The following ADGRD1 variants were observed in gnomAD, a reference collection of about 807,000 sequenced individuals.
The protein encoded by ADGRD1 is adhesion G protein-coupled receptor D1.
ADGRD1 carries 77 observed loss-of-function variants against 113.4 expected under a neutral mutation model. The observed-to-expected ratio is 0.68, with a 90% confidence interval of 0.57 to 0.82. ADGRD1 has a LOEUF of 0.82. Among genes scored for constraint, ADGRD1 ranks in the 40% least tolerant of loss-of-function variants. The probability of loss-of-function intolerance (pLI) is 0.00; values close to 1 mark genes in which losing one functional copy is unlikely to be tolerated. For synonymous variants in ADGRD1, 474 were observed against 475.0 expected (o/e 1.00, Z 0.03); for missense variants, 1,036 against 1,139.1 (o/e 0.91, Z 1.30).
chr12:131,082,211 G>A (rs1057422501), intron 14 of ADGRD1, among the ~76,000 whole-genome samples: 3 of 151,990 alleles, frequency 2.0e-5, no homozygotes, highest in East Asian at 1.9e-4. Context: ...GTTTTTTACC[G>A]TATTTATGCA....
intron 13 of ADGRD1, among the ~76,000 whole-genome samples, chr12:131,055,536 G>A (rs778024484): frequency 2.0e-5 from 3 of 152,122 alleles, no homozygotes; most frequent in Non-Finnish European, 4.4e-5. Flanking sequence ...TGAGAGTCAC[G>A]ATTTACCTTG....
chr12:131,079,224 G>A (rs1050687217), intron 14 of ADGRD1, among the ~76,000 whole-genome samples: 5 of 152,136 alleles, frequency 3.3e-5, no homozygotes, highest in Non-Finnish European at 5.9e-5. Context: ...GGGGTATTCC[G>A]TTACATGGAT....
intron 13 of ADGRD1, among the ~76,000 whole-genome samples, chr12:131,072,311 A>G (rs1885248841): frequency 6.6e-6 from 1 of 152,176 alleles, no homozygotes; most frequent in Non-Finnish European, 1.5e-5. Flanking sequence ...CCAGCATCCC[A>G]CCTTGACGAT....
At chr12:131,126,636 T>G (rs905283979) in intron 20 of ADGRD1, among the ~76,000 whole-genome samples, 4 of 152,126 alleles carry the variant, frequency 2.6e-5, no homozygotes. Context: ...CCTGCCTCCC[T>G]CCTCCCACCA....
chr12:131,138,288 T>C (rs2277337), intron 24 of ADGRD1, 59 bp downstream of exon 24: 725,607 of 1,452,156 alleles, frequency 0.5, 187,709 homozygotes, highest in Non-Finnish European at 0.54. Context: ...CAGGCTCGGT[T>C]GTCAGCAGGA....
At chr12:130,958,649 C>T (rs1237620620) in intron 2 of ADGRD1, among the ~76,000 whole-genome samples, 1 of 152,218 alleles carries the variant, frequency 6.6e-6, no homozygotes, top group East Asian at 1.9e-4. Context: ...CTCGCCTGCC[C>T]CCGGGCAGCT....
chr12:131,014,634 T>C (rs1400747848), intron 13 of ADGRD1, among the ~76,000 whole-genome samples: 1 of 152,174 alleles, frequency 6.6e-6, no homozygotes, highest in Non-Finnish European at 1.5e-5. Context: ...TTATAACAAG[T>C]GTCCTTACTG....
At chr12:131,043,536 CAGGCTGCGTGTGGGCAGG>C (rs1374165451) in intron 13 of ADGRD1, among the ~76,000 whole-genome samples, 1 of 152,276 alleles carries the variant, frequency 6.6e-6, no homozygotes, top group Non-Finnish European at 1.5e-5. Context: ...CTCTCCCCTG[CAGGCTGCGTGTGGGCAGG>C]AGGCTGGCTC....
chr12:130,981,616 T>C (rs150215806), intron 4 of ADGRD1, among the ~76,000 whole-genome samples: 1 of 152,298 alleles, frequency 6.6e-6, no homozygotes, highest in Admixed American at 6.5e-5. Flanking sequence ...TTCCTTCATC[T>C]GTATAGTGGG....
In ADGRD1 at chr12:130,976,899, A is replaced by T. The variant is rs937744687; in HGVS notation, c.311-4985A>T. 7.3e-5 allele frequency: 11 copies of T among 151,688 alleles called. 1 individual carries two copies. The allele number at this position is 151,688 out of a possible 1,614,324, so 9.4% of individuals were successfully genotyped here. On this transcript the variant is annotated intron_variant, in intron 4 of 24. Transcript: ENST00000261654. ...AATTTAGCAGGGCGAGGTGGTGTGTACCTGTCATCCTAGCTACTCAGGAGG... is the reference window on the plus strand; with the variant it reads ...AATTTAGCAGGGCGAGGTGGTGTGTTCCTGTCATCCTAGCTACTCAGGAGG...
chr12:131,031,164 G>C (rs1460982663), intron 13 of ADGRD1, among the ~76,000 whole-genome samples: 1 of 152,164 alleles, frequency 6.6e-6, no homozygotes, highest in African/African-American at 2.4e-5. Flanking sequence ...CTGCTGCCTT[G>C]GGGGGTCCTG....
chr12:131,094,625 T>C (rs1367833816), intron 15 of ADGRD1, among the ~76,000 whole-genome samples: 1 of 152,168 alleles, frequency 6.6e-6, no homozygotes, highest in Non-Finnish European at 1.5e-5. Flanking sequence ...ACCAGTGTCT[T>C]CTGGCTGAGT....
Position 130,978,101 on chromosome 12 carries a change from AT to A in ADGRD1, c.311-3780del, listed in dbSNP as rs1238262914. On this transcript the variant is annotated intron_variant, in intron 4 of 24. Coordinates refer to ENST00000261654, the MANE Select transcript of ADGRD1 (RefSeq NM_198827.5). The stretch of plus-strand genomic sequence containing the variant: ...CCCTAGTTCACAGGTTGTTGGGAGG[AT>A]TTAACCTCAGCCCATATAAGTTCTC... 8 of 152,082 alleles carry A rather than the reference AT, an allele frequency of 5.3e-5. No individual in the cohort carries two copies. The East Asian group carries it at 1.5e-3, about 29-fold the overall frequency. 9.4% of individuals were successfully genotyped at this position (152,082 alleles called of 1,614,324 possible). A position where few individuals can be genotyped will look rare whatever the true frequency, so the allele number is the denominator to read the frequency against.
intron 7 of ADGRD1, among the ~76,000 whole-genome samples, chr12:130,991,312 G>C (rs1316754906): frequency 6.6e-6 from 1 of 152,110 alleles, no homozygotes; most frequent in East Asian, 1.9e-4. Flanking sequence ...TGCCCAAAAG[G>C]AAATACCGGG....
At chr12:131,098,791 T>C (rs1024172210) in intron 15 of ADGRD1, among the ~76,000 whole-genome samples, 1 of 152,242 alleles carries the variant, frequency 6.6e-6, no homozygotes, top group Admixed American at 6.5e-5. Context: ...CATCCACGTC[T>C]TTGTTCATCA....
At chr12:131,082,994 G>A (rs1300602256) in intron 14 of ADGRD1, among the ~76,000 whole-genome samples, 1 of 152,174 alleles carries the variant, frequency 6.6e-6, no homozygotes, top group Non-Finnish European at 1.5e-5. Context: ...CAGGGCTAAC[G>A]CAGGGTTACC....
intron 20 of ADGRD1, among the ~76,000 whole-genome samples, chr12:131,130,012 G>A (rs1048607090): frequency 2.0e-5 from 3 of 152,256 alleles, no homozygotes; most frequent in Non-Finnish European, 4.4e-5. Flanking sequence ...TTAGTCACGC[G>A]TTTGTCACTG....
At chr12:130,976,109 T>C (rs1226687815) in intron 4 of ADGRD1, among the ~76,000 whole-genome samples, 2 of 152,188 alleles carry the variant, frequency 1.3e-5, no homozygotes, top group African/African-American at 4.8e-5. Context: ...CCCTTTGCAT[T>C]TGTTTCCTAA....
chr12:131,135,987 C>G (rs767179194), intron 21 of ADGRD1, 50 bp from the exon 22 acceptor site: 1 of 1,608,736 alleles, frequency 6.2e-7, no homozygotes, highest in South Asian at 1.1e-5. Flanking sequence ...TCCTCACAGC[C>G]TGCACCTGCC....
Sources: gnomAD v4.1 joint callset for allele counts (sites outside exome capture counted in the v4.1 genomes callset) on GRCh38, gnomAD v4.1.1 for gene constraint, MANE v1.5 for transcripts, NCBI Gene and HGNC (gene_info 2026-07-23, HGNC 2026-07-21) for gene names.